The following TTC38 variants were observed in gnomAD, a reference collection of about 807,000 sequenced individuals.
TTC38 encodes tetratricopeptide repeat protein 38.
In TTC38, 64 loss-of-function variants were observed where a neutral mutation model predicts 64.2. The observed-to-expected ratio is 1.00, with a 90% CI of 0.81 to 1.23. The LOEUF (loss-of-function observed/expected upper bound fraction) is 1.23. Among genes scored for constraint, TTC38 ranks in the 50% most tolerant of loss-of-function variants. TTC38 has a pLI of 0.00. For missense variants in TTC38, 573 were observed against 615.5 expected, an observed-to-expected ratio of 0.93 and a Z score of 0.73; for synonymous variants, 254 against 249.3, an observed-to-expected ratio of 1.02 and a Z score of -0.18.
In TTC38 at chr22:46,292,850, T is replaced by C. The variant is rs1416254508; in HGVS notation, c.1376T>C (p.Ile459Thr). Residue 459 changes from isoleucine (I) to threonine (T), a missense_variant, in exon 14 of 14, where the codon ATC becomes ACC. This residue lies in a region of TTC38 where 371 missense variants were observed against 381.8 expected (regional missense o/e 0.97). Transcript: ENST00000381031. This position sits in a 1 kb window ranked among gnomAD's most constrained non-coding sequence, Gnocchi z 6.5. ...KPNSPLTERL[I>T]RKAATVHLMQ is the part of the protein sequence containing the mutation. ...AACTCGCCCCTGACCGAGCGGCTCA[T>C]CCGCAAGGCAGCTACCGTCCACCTC... 6.2e-7 allele frequency: 1 copy of C among 1,613,944 alleles called. No individual in the cohort carries two copies. Among genetic ancestry groups the C allele is most frequent in the Non-Finnish European group, 8.5e-7 (1 of 1,179,896 alleles).
chr22:46,271,504 C>T lies in TTC38; in HGVS notation c.112-831C>T, dbSNP rs1288832607. On this transcript the variant is annotated intron_variant, in intron 2 of 13. Transcript: ENST00000381031. The surrounding 1 kb of genome is among the most constrained non-coding windows in gnomAD (Gnocchi z 5.5). ...CTGGGCTTACAGGCATGAGCCACCA[C>T]ACCTGGCCTTTTTTTTTCCTTTTCT... Among the ~76,000 whole-genome samples, 2 of 151,958 alleles carry T rather than the reference C, an allele frequency of 1.3e-5. No individual in the cohort carries two copies. Among genetic ancestry groups the T allele is most frequent in the Admixed American group, 6.6e-5 (1 of 15,256 alleles).
intron 13 of TTC38, among the ~76,000 whole-genome samples, chr22:46,290,521 AGT>A (rs1382359284): frequency 0.048 from 6,187 of 128,792 alleles, 195 homozygotes; most frequent in Non-Finnish European, 0.069. Context: ...CTGGAGGGTG[AGT>A]GTGTTAGGGC....
Position 46,289,405 on chromosome 22 carries a change from C to G in TTC38, c.1086C>G (p.Ser362=), listed in dbSNP as rs560736599. 4 of 1,608,334 alleles carry G rather than the reference C, an allele frequency of 2.5e-6. No homozygotes were observed. Among genetic ancestry groups the G allele is most frequent in the Non-Finnish European group, 3.4e-6 (4 of 1,179,444 alleles). ...GGGCACCGTCTTGGGTTCGCAGATC[C>G]CCAGGGGAGAACTGCCAGCACCTCC... ...LLTTLRDASE[S]PGENCQHLLA... The change falls in exon 12 of 14, where the codon TCC becomes TCG. Residue 362 remains serine, a synonymous_variant. Transcript: ENST00000381031.
intron 1 of TTC38, 103 bp from the exon 2 acceptor site, chr22:46,268,411 G>T (rs1243946682): frequency 1.3e-5 from 17 of 1,264,714 alleles, no homozygotes; most frequent in Non-Finnish European, 1.7e-5. Context: ...CCATTTTACA[G>T]ATGAGGAAGG....
chr22:46,280,372 T>C, intron 6 of TTC38: 1 of 349,554 alleles, frequency 2.9e-6, no homozygotes, highest in South Asian at 2.1e-5. Context: ...CTGCTGGGCC[T>C]TGTAGCCTGG....
chr22:46,287,147 G>A lies in TTC38; in HGVS notation c.909G>A (p.Gln303=). The A allele has an allele frequency of 3.7e-6, 6 of 1,602,366 alleles. No homozygotes were observed. Among genetic ancestry groups the A allele is most frequent in the Non-Finnish European group, 5.1e-6 (6 of 1,173,884 alleles). ...VDSCSMLYRL[Q]MEGVSVGQRW... ...GCTGCTCCATGCTCTACCGCCTGCAGATGGAAGGTAGCCATCCCTGCAGCC... is the reference window on the plus strand; with the variant it reads ...GCTGCTCCATGCTCTACCGCCTGCAAATGGAAGGTAGCCATCCCTGCAGCC... The change falls in exon 10 of 14, where the codon CAG becomes CAA. Residue 303 remains glutamine (Q), a synonymous_variant. Coordinates refer to ENST00000381031, the MANE Select transcript of TTC38 (RefSeq NM_017931.4).
rs563970921 is a variant in TTC38 at position 46,268,053 on chromosome 22, C to G, written c.14C>G (p.Ser5Trp). 3.9e-6 allele frequency: 6 copies of G among 1,543,006 alleles called. No homozygotes were observed. The African/African-American group carries it at 6.9e-5, about 18-fold the overall frequency. MAAA[S>W]PLRDCQAWKD... ...ACCCGGCGCAACATGGCCGCAGCCT[C>G]GCCTCTGCGCGACTGCCAGGTACAC... The change falls in exon 1 of 14, where the codon TCG (serine) becomes TGG (tryptophan). Residue 5 changes from serine (S) to tryptophan (W), a missense_variant. Around this residue, in one of 3 missense-constraint regions of TTC38, gnomAD observed 134 missense variants for 126.5 expected, o/e 1.06. Coordinates refer to ENST00000381031, the MANE Select transcript of TTC38 (RefSeq NM_017931.4).
rs1314737457 is a variant in TTC38 at position 46,274,937 on chromosome 22, C to T, written c.366-311C>T. Among the ~76,000 whole-genome samples, 1 of 152,182 alleles carries T rather than the reference C, an allele frequency of 6.6e-6. No individual in the cohort carries two copies. The highest frequency in any genetic ancestry group is 1.5e-5 in the Non-Finnish European group (1 of 68,030). On this transcript the variant is annotated intron_variant, in intron 4 of 13. Transcript: ENST00000381031. The surrounding 1 kb of genome is among the most constrained non-coding windows in gnomAD (Gnocchi z 4.8). The stretch of plus-strand genomic sequence containing the variant: ...TCCCGGGTTCAAGTGATTCTCCTGC[C>T]TCAGCCTCCCGGGTAGCTGGGATTA...
In TTC38 at chr22:46,272,457, A is replaced by C; in HGVS notation, c.193+41A>C. 1 of 1,506,778 alleles carries C rather than the reference A, an allele frequency of 6.6e-7. No individual in the cohort carries two copies. The highest frequency in any genetic ancestry group is 9.2e-7 in the Non-Finnish European group (1 of 1,084,028). The allele number at this position is 1,506,778 out of a possible 1,614,324, so 93.3% of individuals were successfully genotyped here. On this transcript the variant is annotated intron_variant, in intron 3 of 13. Coordinates refer to ENST00000381031, the MANE Select transcript of TTC38 (RefSeq NM_017931.4). This position sits in a 1 kb window ranked among gnomAD's most constrained non-coding sequence, Gnocchi z 6.4. Reference sequence around the variant, plus strand: ...CCTGGGTGGAGGAGCCCCGCTTCACACATCCAGCCCCTCTCTTTCCTTTAC... The same window carrying C: ...CCTGGGTGGAGGAGCCCCGCTTCACCCATCCAGCCCCTCTCTTTCCTTTAC...
rs1429867333 is a variant in TTC38, at chr22:46,273,218, A to C, written c.194-680A>C. Among the ~76,000 whole-genome samples the C allele has an allele frequency of 6.6e-6, 1 of 152,196 alleles. No homozygotes were observed. Among genetic ancestry groups the C allele is most frequent in the African/African-American group, 2.4e-5 (1 of 41,452 alleles). On this transcript the variant is annotated intron_variant, in intron 3 of 13. Transcript: ENST00000381031. This position sits in a 1 kb window ranked among gnomAD's most constrained non-coding sequence, Gnocchi z 5.1. ...GAGCCCTGATCAGGGGGCTTCGACC[A>C]CCTGAATCATCAGCTGGGCTGGGCT...
chr22:46,293,665 A>G lies in TTC38; in HGVS notation c.*781A>G, dbSNP rs1029984475. 9.9e-5 allele frequency: 15 copies of G among 152,226 alleles called. No homozygotes were observed. The highest frequency in any genetic ancestry group is 3.6e-4 in the African/African-American group (15 of 41,422). The allele number at this position is 152,226 out of a possible 1,614,324, so 9.4% of individuals were successfully genotyped here. On this transcript the variant is annotated 3_prime_UTR_variant, in exon 14 of 14. Coordinates refer to ENST00000381031, the MANE Select transcript of TTC38 (RefSeq NM_017931.4). The surrounding 1 kb of genome is among the most constrained non-coding windows in gnomAD (Gnocchi z 6.6). ...TCTGAGGTGCAAGGATTGAGCTCAG[A>G]GCTGCTCTGTTGTGGCAAAACCCAA...
At position 46,282,046 on chromosome 22, in the gene TTC38, G is replaced by A; in HGVS notation, c.735+328G>A. ...ATGACGGGGACCCTCTGTGGGATGT[G>A]GAAACGCAGAGGAAGCATTAAACTC... is the stretch of plus-strand genomic sequence containing the variant. On this transcript the variant is annotated intron_variant, in intron 7 of 13. Coordinates refer to ENST00000381031, the MANE Select transcript of TTC38 (RefSeq NM_017931.4). This position sits in a 1 kb window ranked among gnomAD's most constrained non-coding sequence, Gnocchi z 4.4. 2 of 496,586 alleles carry A rather than the reference G, an allele frequency of 4.0e-6. No homozygotes were observed. Among genetic ancestry groups the A allele is most frequent in the South Asian group, 1.6e-5 (1 of 62,860 alleles). The allele number at this position is 496,586 out of a possible 1,614,324, so 30.8% of individuals were successfully genotyped here.
chr22:46,290,507 A>G (rs12169251), intron 13 of TTC38, among the ~76,000 whole-genome samples: 10,539 of 115,514 alleles, frequency 0.091, 1,216 homozygotes, highest in African/African-American at 0.28. Flanking sequence ...TTAGGGTGGC[A>G]TGGCTGGAGG....
In TTC38 at chr22:46,270,078, C is replaced by A. The variant is rs779519648; in HGVS notation, c.111+1487C>A. ...AAGTGCTGGGATTACAGGCGTGAGC[C>A]ACTGTGCCCGGCCCCTAGTACTCAG... On this transcript the variant is annotated intron_variant, in intron 2 of 13. Coordinates refer to ENST00000381031, the MANE Select transcript of TTC38 (RefSeq NM_017931.4). This position sits in a 1 kb window ranked among gnomAD's most constrained non-coding sequence, Gnocchi z 4.7. Among the ~76,000 whole-genome samples, 1 of 152,202 alleles carries A rather than the reference C, an allele frequency of 6.6e-6. No homozygotes were observed. Among genetic ancestry groups the A allele is most frequent in the Non-Finnish European group, 1.5e-5 (1 of 68,036 alleles).
At chr22:46,285,343 C>G in intron 9 of TTC38, 64 bp downstream of exon 9, 3 of 1,497,866 alleles carry the variant, frequency 2.0e-6, no homozygotes, top group Non-Finnish European at 2.8e-6. Flanking sequence ...TCAAAGAGAC[C>G]AGATTTTTGA....
rs924862191 is a variant in TTC38 at position 46,272,079 on chromosome 22, CCCCCGGGTT to C, written c.112-254_112-246del. The stretch of plus-strand genomic sequence containing the variant: ...CAATCTTGGCTCATTGCAACCTCAG[CCCCCGGGTT>C]CAAGTGATTCTCATGCCTCTGCCTA... On this transcript the variant is annotated intron_variant, in intron 2 of 13. Coordinates refer to ENST00000381031, the MANE Select transcript of TTC38 (RefSeq NM_017931.4). This position sits in a 1 kb window ranked among gnomAD's most constrained non-coding sequence, Gnocchi z 6.4. 2.6e-4 allele frequency among the ~76,000 whole-genome samples: 39 copies of C among 152,262 alleles called. No homozygotes were observed. Among genetic ancestry groups the C allele is most frequent in the African/African-American group, 5.8e-4 (24 of 41,546 alleles).
At chr22:46,268,131 CG>C in intron 1 of TTC38, 59 bp downstream of exon 1, 1 of 1,499,908 alleles carries the variant, frequency 6.7e-7, no homozygotes. Flanking sequence ...GGGGGTGGCC[CG>C]GTGCTGGCGG....
At position 46,270,183 on chromosome 22, in the gene TTC38, C is replaced by T. The variant is rs1936864274; in HGVS notation, c.111+1592C>T. Among the ~76,000 whole-genome samples the T allele has an allele frequency of 6.6e-6, 1 of 152,164 alleles. No homozygotes were observed. Among genetic ancestry groups the T allele is most frequent in the Non-Finnish European group, 1.5e-5 (1 of 68,024 alleles). On this transcript the variant is annotated intron_variant, in intron 2 of 13. Coordinates refer to ENST00000381031, the MANE Select transcript of TTC38 (RefSeq NM_017931.4). The surrounding 1 kb of genome is among the most constrained non-coding windows in gnomAD (Gnocchi z 4.7). ...TATTTTGTCCCGTGTATTGGTGTCT[C>T]TGTGCTGTCCTGTGTTAGAACTTGG...
At chr22:46,277,659 G>A (rs6007765) in intron 5 of TTC38, among the ~76,000 whole-genome samples, 22,227 of 149,568 alleles carry the variant, frequency 0.15, 3,986 homozygotes, top group African/African-American at 0.43. Context: ...CAATTATTCA[G>A]CAGTGTCTTC....
Sources: allele counts gnomAD v4.1 joint callset (sites outside exome capture counted in the v4.1 genomes callset), GRCh38; gene constraint gnomAD v4.1.1; regional missense constraint gnomAD v4.1.1; non-coding constraint Gnocchi (gnomAD v3.1); transcripts MANE v1.5; gene names NCBI Gene and HGNC (gene_info 2026-07-23, HGNC 2026-07-21).